ANKRD29: variants seen among roughly 807,000 people sequenced by gnomAD.
ANKRD29 encodes ankyrin repeat domain-containing protein 29.
ANKRD29 carries 32 observed loss-of-function variants against 38.0 expected under a neutral mutation model. The ratio of observed to expected loss-of-function variants is 0.84; its 90% CI spans 0.64 to 1.13. The LOEUF (loss-of-function observed/expected upper bound fraction) is 1.13, where lower values mean the gene tolerates loss of function less well. ANKRD29 is among the 50% of genes most tolerant of loss of function. The pLI, the probability that ANKRD29 is intolerant of heterozygous loss-of-function variation, is 0.00. For synonymous variants in ANKRD29, 135 were observed against 152.4 expected (o/e 0.89, Z 0.84); for missense variants, 357 against 377.9 (o/e 0.94, Z 0.46).
rs760678022 is a variant in ANKRD29, at chr18:23,646,184, C to A, written c.231+5G>T. 6.2e-7 allele frequency: 1 copy of A among 1,613,964 alleles called. No homozygotes were observed. The highest frequency in any genetic ancestry group is 8.5e-7 in the Non-Finnish European group (1 of 1,179,924). On this transcript the variant is annotated splice_donor_5th_base_variant and intron_variant, in intron 3 of 9. Coordinates refer to ENST00000592179, the MANE Select transcript of ANKRD29 (RefSeq NM_173505.4). ...ATTTTTCTTCAAGTGCAAAGCCTGACCTACCTCTCTCTGGAGATTGATGTC... is the reference window on the plus strand; with the variant it reads ...ATTTTTCTTCAAGTGCAAAGCCTGAACTACCTCTCTCTGGAGATTGATGTC...
chr18:23,622,303 C>T (rs945978104), intron 6 of ANKRD29, among the ~76,000 whole-genome samples: 1 of 151,948 alleles, frequency 6.6e-6, no homozygotes, highest in African/African-American at 2.4e-5. Context: ...CAGAGGGGTG[C>T]GGGTGGGACC....
chr18:23,648,148 G>A lies in ANKRD29; in HGVS notation c.132+935C>T, dbSNP rs577390062. ...CTGACTCCTGCAGATGCTCCTATGG[G>A]CCAAACACAACTGGAGGCCAGAGGA... On this transcript the variant is annotated intron_variant, in intron 2 of 9. Transcript: ENST00000592179. Among the ~76,000 whole-genome samples, 9 of 152,296 alleles carry A rather than the reference G, an allele frequency of 5.9e-5. No individual in the cohort carries two copies. The South Asian group carries it at 1.9e-3, about 32-fold the overall frequency.
chr18:23,642,216 G>A (rs922199686), intron 3 of ANKRD29, among the ~76,000 whole-genome samples: 32 of 151,634 alleles, frequency 2.1e-4, no homozygotes, highest in African/African-American at 6.8e-4. Context: ...GCTGAAACAC[G>A]CCTTCTGCTT....
In ANKRD29 at chr18:23,612,119, T is replaced by TGC. The variant is rs1374860580; in HGVS notation, c.793_794dup (p.Gly266GlnfsTer7). 1 of 1,613,760 alleles carries TGC rather than the reference T, an allele frequency of 6.2e-7. No homozygotes were observed. Among genetic ancestry groups the TGC allele is most frequent in the Admixed American group, 1.7e-5 (1 of 59,992 alleles). On this transcript the variant is annotated frameshift_variant, in exon 9 of 10. Coordinates refer to ENST00000592179, the MANE Select transcript of ANKRD29 (RefSeq NM_173505.4). LOFTEE classifies it high-confidence loss of function. ...TGTTTCTCAGGGATGGGTCTGCCCC[T>TGC]GCTTCTAGGAGCAGCGCAACTGTTT...
chr18:23,639,597 G>T (rs1350332701), intron 3 of ANKRD29, among the ~76,000 whole-genome samples: 1 of 148,940 alleles, frequency 6.7e-6, no homozygotes, highest in African/African-American at 2.5e-5. Flanking sequence ...GTGCAGTGGT[G>T]CCATCTCGGC....
chr18:23,630,120 C>G (rs1222809122), intron 5 of ANKRD29, among the ~76,000 whole-genome samples, 169 bp from the exon 6 acceptor site: 2 of 152,100 alleles, frequency 1.3e-5, no homozygotes, highest in African/African-American at 4.8e-5. Flanking sequence ...GAAATCCCGT[C>G]TCTGCTAAAA....
At chr18:23,652,140 A>T (rs899843007) in intron 1 of ANKRD29, among the ~76,000 whole-genome samples, 3 of 152,204 alleles carry the variant, frequency 2.0e-5, no homozygotes, top group Non-Finnish European at 2.9e-5. Flanking sequence ...AGAAATGGGC[A>T]GGTGCTCCTG....
chr18:23,633,024 A>C (rs1217232077), intron 5 of ANKRD29, among the ~76,000 whole-genome samples: 1 of 152,218 alleles, frequency 6.6e-6, no homozygotes, highest in African/African-American at 2.4e-5. Context: ...GACAGCCTAA[A>C]ATACGGTTCC....
At chr18:23,628,897 T>C (rs34013682) in intron 6 of ANKRD29, among the ~76,000 whole-genome samples, 112 of 152,240 alleles carry the variant, frequency 7.4e-4, no homozygotes, top group African/African-American at 2.5e-3. Context: ...AAGCTAATTA[T>C]AATACTGTAC....
At chr18:23,661,139 T>A (rs568353348) in intron 1 of ANKRD29, among the ~76,000 whole-genome samples, 1 of 152,322 alleles carries the variant, frequency 6.6e-6, no homozygotes, top group South Asian at 2.1e-4. Flanking sequence ...TTCTCAAATC[T>A]TCTTCAAGAT....
chr18:23,621,005 G>C (rs151118762), intron 6 of ANKRD29, among the ~76,000 whole-genome samples: 1 of 152,122 alleles, frequency 6.6e-6, no homozygotes, highest in Non-Finnish European at 1.5e-5. Context: ...AGTGCAGGAC[G>C]CTTGTGGACC....
chr18:23,657,075 G>A (rs533640087), intron 1 of ANKRD29, among the ~76,000 whole-genome samples: 1 of 152,326 alleles, frequency 6.6e-6, no homozygotes, highest in South Asian at 2.1e-4. Flanking sequence ...GCTCCTTCAA[G>A]ACTCAGGTCG....
chr18:23,611,880 A>G (rs112595274), intron 9 of ANKRD29, among the ~76,000 whole-genome samples: 98 of 152,086 alleles, frequency 6.4e-4, no homozygotes, highest in African/African-American at 2.3e-3. Flanking sequence ...AGAAAAAAAA[A>G]AACCATTGAT....
intron 1 of ANKRD29, among the ~76,000 whole-genome samples, chr18:23,657,488 A>C (rs911011415): frequency 6.6e-6 from 1 of 152,220 alleles, no homozygotes; most frequent in African/African-American, 2.4e-5. Context: ...TCATCCTTTC[A>C]AAGCATACAA....
intron 9 of ANKRD29, among the ~76,000 whole-genome samples, chr18:23,606,542 C>T (rs1197423678): frequency 2.6e-5 from 4 of 152,020 alleles, no homozygotes; most frequent in Non-Finnish European, 4.4e-5. Flanking sequence ...AACTTCCAGG[C>T]TCAAGTGATC....
At chr18:23,619,694 TC>T in intron 6 of ANKRD29, 65 bp from the exon 7 acceptor site, 1 of 1,377,350 alleles carries the variant, frequency 7.3e-7, no homozygotes, top group Non-Finnish European at 9.7e-7. Flanking sequence ...TCACAGAACG[TC>T]TTTAACACCA....
chr18:23,635,644 C>A (rs1421512040), intron 4 of ANKRD29, among the ~76,000 whole-genome samples: 1 of 152,308 alleles, frequency 6.6e-6, no homozygotes, highest in East Asian at 1.9e-4. Flanking sequence ...TAAATTTGGG[C>A]ATAAGGTGTT....
At chr18:23,648,450 A>G (rs1481587549) in intron 2 of ANKRD29, 1 of 156,366 alleles carries the variant, frequency 6.4e-6, no homozygotes, top group African/African-American at 2.4e-5. Flanking sequence ...AAATCAAAAC[A>G]TCATTGCTCG....
intron 6 of ANKRD29, among the ~76,000 whole-genome samples, chr18:23,623,730 C>T (rs1054550345): frequency 1.3e-5 from 2 of 152,040 alleles, no homozygotes; most frequent in African/African-American, 4.8e-5. Flanking sequence ...GCAAGCTCCG[C>T]CTCCCGGGTT....
Sources: allele counts gnomAD v4.1 joint callset (sites outside exome capture counted in the v4.1 genomes callset), GRCh38; gene constraint gnomAD v4.1.1; transcripts MANE v1.5; gene names NCBI Gene and HGNC (gene_info 2026-07-23, HGNC 2026-07-21).